The following NRXN2 variants were observed in gnomAD, a reference collection of about 807,000 sequenced individuals.
NRXN2 encodes neurexin-2-beta.
In NRXN2, 29 loss-of-function variants were observed where a neutral mutation model predicts 128.8. The ratio of observed to expected loss-of-function variants is 0.23; its 90% confidence interval spans 0.17 to 0.31. The LOEUF (loss-of-function observed/expected upper bound fraction) is 0.31. NRXN2 is among the 10% of genes least tolerant of loss of function. The pLI is 1.00. For synonymous variants in NRXN2, 1,098 were observed against 1,075.2 expected, an observed-to-expected ratio of 1.02 and a Z score of -0.41; for missense variants, 1,881 against 2,452.6, an observed-to-expected ratio of 0.77 and a Z score of 4.92.
At chr11:64,701,437 T>C (rs1565448401) in intron 2 of NRXN2, among the ~76,000 whole-genome samples, 2 of 152,316 alleles carry the variant, frequency 1.3e-5, no homozygotes, top group East Asian at 3.9e-4. Context: ...ATCTACTCTT[T>C]CTTTAAGACC....
intron 7 of NRXN2, among the ~76,000 whole-genome samples, chr11:64,674,740 C>A (rs1159844912): frequency 6.6e-6 from 1 of 152,202 alleles, no homozygotes; most frequent in African/African-American, 2.4e-5. Context: ...AGAATCATTT[C>A]TTTACAAAAC....
At chr11:64,700,345 C>T (rs1309354468) in intron 2 of NRXN2, among the ~76,000 whole-genome samples, 1 of 152,202 alleles carries the variant, frequency 6.6e-6, no homozygotes, top group African/African-American at 2.4e-5. Context: ...CTCCTACAAC[C>T]AAGTGCTTAT....
At position 64,689,827 on chromosome 11, in the gene NRXN2, C is replaced by T. The variant is rs574747936; in HGVS notation, c.850+578G>A. On this transcript the variant is annotated intron_variant, in intron 5 of 22. Coordinates refer to ENST00000265459, the MANE Select transcript of NRXN2 (RefSeq NM_015080.4). The stretch of plus-strand genomic sequence containing the variant: ...AAATCCAGGCAAACAGAAGAGCAGA[C>T]TAAAGAATGGAAATGGGACTCCATA... Among the ~76,000 whole-genome samples, 3 of 152,288 alleles carry T rather than the reference C, an allele frequency of 2.0e-5. 1 individual carries two copies. The South Asian group carries it at 6.2e-4, about 32-fold the overall frequency.
At chr11:64,661,587 T>C (rs544838) in intron 9 of NRXN2, among the ~76,000 whole-genome samples, 78,554 of 152,052 alleles carry the variant, frequency 0.52, 23,762 homozygotes, top group Non-Finnish European at 0.7. Flanking sequence ...AAAGGAGTTT[T>C]TTCCCCCCAC....
chr11:64,644,335 C>T (rs1316947687), intron 17 of NRXN2, among the ~76,000 whole-genome samples: 2 of 151,914 alleles, frequency 1.3e-5, no homozygotes, highest in East Asian at 3.9e-4. Flanking sequence ...CCCCAGCCCC[C>T]TGCACAAGCC....
chr11:64,633,670 C>A (rs2044267682), intron 18 of NRXN2, among the ~76,000 whole-genome samples: 1 of 152,172 alleles, frequency 6.6e-6, no homozygotes, highest in South Asian at 2.1e-4. Context: ...TATAGATACA[C>A]TCCATCAGAA....
chr11:64,677,598 G>A (rs919553953), intron 6 of NRXN2, among the ~76,000 whole-genome samples: 1 of 152,220 alleles, frequency 6.6e-6, no homozygotes, highest in African/African-American at 2.4e-5. Flanking sequence ...CGGCAACGGG[G>A]TTTTCCAACA....
rs753516179 is a variant in NRXN2 at position 64,630,451 on chromosome 11, G to A, written c.3708C>T (p.Asn1236=). The A allele has an allele frequency of 2.5e-6, 4 of 1,613,354 alleles. No individual in the cohort carries two copies. Among genetic ancestry groups the A allele is most frequent in the African/African-American group, 2.7e-5 (2 of 74,934 alleles). Residue 1236 remains asparagine, a synonymous_variant, in exon 19 of 23, where the codon AAC becomes AAT. Transcript: ENST00000265459. This position sits in a 1 kb window ranked among gnomAD's most constrained non-coding sequence, Gnocchi z 4.6. ...GCCAGCTGTCCACCTGCAGGGTGGCGTTGCCGCCGCTTCGAGTGAAGCGCA... is the reference window on the plus strand; with the variant it reads ...GCCAGCTGTCCACCTGCAGGGTGGCATTGCCGCCGCTTCGAGTGAAGCGCA... ...HVVRFTRSGG[N]ATLQVDSWPV... is the part of the protein sequence containing the mutation.
chr11:64,692,514 C>T (rs1472316502), intron 4 of NRXN2, among the ~76,000 whole-genome samples: 2 of 152,126 alleles, frequency 1.3e-5, no homozygotes, highest in East Asian at 1.9e-4. Flanking sequence ...GATACACTAC[C>T]AGGAAAACGC....
chr11:64,628,532 C>T (rs2043404380), intron 19 of NRXN2, among the ~76,000 whole-genome samples: 1 of 152,154 alleles, frequency 6.6e-6, no homozygotes, highest in South Asian at 2.1e-4. Context: ...AGTCAGGGGT[C>T]CCTGAGGAGA....
intron 17 of NRXN2, among the ~76,000 whole-genome samples, chr11:64,644,289 C>A (rs1217554136): frequency 6.6e-6 from 1 of 152,058 alleles, no homozygotes; most frequent in African/African-American, 2.4e-5. Context: ...ATGCCACACA[C>A]GTACAACTCC....
chr11:64,607,447 G>A lies in NRXN2; in HGVS notation c.4888C>T (p.Arg1630Trp), dbSNP rs2039801029. 3 of 1,612,206 alleles carry A rather than the reference G, an allele frequency of 1.9e-6. No homozygotes were observed. The highest frequency in any genetic ancestry group is 4.5e-5 in the East Asian group (2 of 44,840). Residue 1630 changes from arginine to tryptophan, a missense_variant, in exon 23 of 23, where the codon CGG (arginine) becomes TGG (tryptophan). By Grantham distance (101) the Arg-to-Trp change is moderately radical. Around this residue, in one of 7 missense-constraint regions of NRXN2, gnomAD observed 310 missense variants for 318.2 expected, o/e 0.97. Coordinates refer to ENST00000265459, the MANE Select transcript of NRXN2 (RefSeq NM_015080.4). ...RGPPGAVEVI[R>W]ESSSTTGMVV... The stretch of plus-strand genomic sequence containing the variant: ...ATGCCCGTGGTGCTGCTGGACTCCC[G>A]GATCACCTCCACTGCGCCCGGCGGG...
chr11:64,617,800 T>C (rs2041767172), intron 22 of NRXN2, among the ~76,000 whole-genome samples: 2 of 152,180 alleles, frequency 1.3e-5, no homozygotes, highest in Admixed American at 1.3e-4. Flanking sequence ...TTTTGGTCCT[T>C]GCCTGGCCTC....
intron 21 of NRXN2, among the ~76,000 whole-genome samples, chr11:64,620,743 C>T (rs1002821881): frequency 3.3e-5 from 5 of 149,306 alleles, no homozygotes; most frequent in South Asian, 2.2e-4. Context: ...CCCTATGGGG[C>T]GGAGCCTGCA....
In NRXN2 at chr11:64,648,342, G is replaced by T; in HGVS notation, c.3284-4C>A. ...TCAGTGCAGGTGGTGCTGGGGCCTG[G>T]AAGGGGCAGGAGAAAGGAACACCCC... On this transcript the variant is annotated splice_region_variant and splice_polypyrimidine_tract_variant and intron_variant, in intron 16 of 22. Coordinates refer to ENST00000265459, the MANE Select transcript of NRXN2 (RefSeq NM_015080.4). This position sits in a 1 kb window ranked among gnomAD's most constrained non-coding sequence, Gnocchi z 4.1. 1 of 1,614,166 alleles carries T rather than the reference G, an allele frequency of 6.2e-7. No individual in the cohort carries two copies. Among genetic ancestry groups the T allele is most frequent in the Non-Finnish European group, 8.5e-7 (1 of 1,180,032 alleles).
At chr11:64,654,054 GA>G (rs914292056) in intron 11 of NRXN2, among the ~76,000 whole-genome samples, 2 of 152,192 alleles carry the variant, frequency 1.3e-5, no homozygotes, top group African/African-American at 4.8e-5. Context: ...TCGTACAGGG[GA>G]TCAATGGGGG....
chr11:64,652,051 G>A lies in NRXN2; in HGVS notation c.2520C>T (p.Asp840=), dbSNP rs1591814132. The change falls in exon 13 of 23, where the codon GAC becomes GAT. Residue 840 remains aspartate (D), a synonymous_variant. Coordinates refer to ENST00000265459, the MANE Select transcript of NRXN2 (RefSeq NM_015080.4). ...ACCACCTACCCTCCACAGTCACGTT[G>A]TCCACAGACAGCTGCAGGCTCTTGC... is the stretch of plus-strand genomic sequence containing the variant. ...RRGKSLQLSV[D]NVTVEGQMAG... is the part of the protein sequence containing the mutation. 1 of 1,612,710 alleles carries A rather than the reference G, an allele frequency of 6.2e-7. No individual in the cohort carries two copies. Among genetic ancestry groups the A allele is most frequent in the Non-Finnish European group, 8.5e-7 (1 of 1,179,976 alleles).
At chr11:64,646,144 A>C (rs1439257100) in intron 17 of NRXN2, among the ~76,000 whole-genome samples, 1 of 152,184 alleles carries the variant, frequency 6.6e-6, no homozygotes, top group Admixed American at 6.5e-5. Flanking sequence ...TCAGAGCAGC[A>C]GCACACTGAG....
intron 11 of NRXN2, among the ~76,000 whole-genome samples, chr11:64,655,767 G>A (rs985355086): frequency 6.6e-6 from 1 of 152,178 alleles, no homozygotes; most frequent in Non-Finnish European, 1.5e-5. Flanking sequence ...ACGACTTGAA[G>A]ATGGGCACCC....
Sources: allele counts gnomAD v4.1 joint callset (sites outside exome capture counted in the v4.1 genomes callset), GRCh38; gene constraint gnomAD v4.1.1; regional missense constraint gnomAD v4.1.1; non-coding constraint Gnocchi (gnomAD v3.1); transcripts MANE v1.5; gene names NCBI Gene and HGNC (gene_info 2026-07-23, HGNC 2026-07-21).